Variants in KIF16B observed in about 807,000 individuals in gnomAD.
KIF16B encodes the protein kinesin-like protein KIF16B.
KIF16B carries 98 observed loss-of-function variants against 156.3 expected under a neutral mutation model. That is an observed-to-expected ratio of 0.63 (90% CI 0.53 to 0.74). The LOEUF is 0.74. Among genes scored for constraint, KIF16B ranks in the 30% least tolerant of loss-of-function variants. KIF16B has a pLI of 0.00. For synonymous variants in KIF16B, 564 were observed against 583.7 expected, an observed-to-expected ratio of 0.97 and a Z score of 0.49; for missense variants, 1,421 against 1,606.5, an observed-to-expected ratio of 0.88 and a Z score of 1.97.
chr20:16,312,727 T>G (rs1279270581), intron 24 of KIF16B, among the ~76,000 whole-genome samples: 3 of 151,990 alleles, frequency 2.0e-5, no homozygotes, highest in African/African-American at 7.3e-5. Flanking sequence ...TATTTTATAC[T>G]TTTTGTTTTT....
rs189008386 is a variant in KIF16B, at chr20:16,513,032, C to T, written c.349-109G>A. 1.9e-4 allele frequency: 142 copies of T among 739,200 alleles called. No homozygotes were observed. In the African/African-American group the frequency reaches 2.3e-3, roughly 12 times the overall value. 45.8% of individuals were successfully genotyped at this position (739,200 alleles called of 1,614,324 possible). A position where few individuals can be genotyped will look rare whatever the true frequency, so the allele number is the denominator to read the frequency against. On this transcript the variant is annotated intron_variant, in intron 4 of 25. Transcript: ENST00000354981. ...TAGACTCAAGTGACCTGTATGCCAA[C>T]CCCTGGCCTACCACAGCCCACGCCA...
At chr20:16,355,160 T>C (rs1394776462) in intron 23 of KIF16B, among the ~76,000 whole-genome samples, 2 of 152,104 alleles carry the variant, frequency 1.3e-5, no homozygotes, top group African/African-American at 4.8e-5. Flanking sequence ...AAAAGAGGGA[T>C]TCCTCAGAGC....
intron 1 of KIF16B, among the ~76,000 whole-genome samples, chr20:16,534,551 T>A (rs2069883015): frequency 6.6e-6 from 1 of 152,220 alleles, no homozygotes; most frequent in Non-Finnish European, 1.5e-5. Flanking sequence ...TTTTGTTGTC[T>A]GTGCTTCTGA....
chr20:16,542,146 T>C (rs961472607), intron 1 of KIF16B, among the ~76,000 whole-genome samples: 3 of 152,208 alleles, frequency 2.0e-5, no homozygotes, highest in Non-Finnish European at 2.9e-5. Context: ...AGAAGGCAGA[T>C]ACTTTATTTT....
Position 16,276,230 on chromosome 20 carries a change from TC to T in KIF16B, c.3796-2820del, listed in dbSNP as rs553154705. Reference sequence around the variant, plus strand: ...GTCATAATTAGTACACAAAGTAGGGTCCCTATAAAGGGCCAATAAAGCCTAA... The same window carrying T: ...GTCATAATTAGTACACAAAGTAGGGTCCTATAAAGGGCCAATAAAGCCTAA... On this transcript the variant is annotated intron_variant, in intron 25 of 25. Transcript: ENST00000354981. Among the ~76,000 whole-genome samples, 293 of 152,140 alleles carry T rather than the reference TC, an allele frequency of 1.9e-3. 4 individuals are homozygous for T. The highest frequency in any genetic ancestry group is 0.017 in the Admixed American group (266 of 15,278).
intron 12 of KIF16B, among the ~76,000 whole-genome samples, chr20:16,489,589 T>C (rs2068223719): frequency 6.6e-6 from 1 of 151,414 alleles, no homozygotes; most frequent in Non-Finnish European, 1.5e-5. Flanking sequence ...CCCAGCTACC[T>C]GGGAGGCTGA....
chr20:16,487,735 T>C (rs921513257), intron 12 of KIF16B, among the ~76,000 whole-genome samples: 1 of 152,216 alleles, frequency 6.6e-6, no homozygotes, highest in Non-Finnish European at 1.5e-5. Flanking sequence ...TTCATCATTG[T>C]GCTATCCACC....
rs376504826 is a variant in KIF16B at position 16,399,518 on chromosome 20, C to T, written c.1784+5295G>A. Among the ~76,000 whole-genome samples, 19 of 152,218 alleles carry T rather than the reference C, an allele frequency of 1.2e-4. No homozygotes were observed. In the East Asian group the frequency reaches 2.1e-3, roughly 17 times the overall value. ...GCACCACTGAATGAATGATGTAAAACGGCAGGGCTGTGAACATCTATTTTA... is the reference window on the plus strand; with the variant it reads ...GCACCACTGAATGAATGATGTAAAATGGCAGGGCTGTGAACATCTATTTTA... On this transcript the variant is annotated intron_variant, in intron 17 of 25. Coordinates refer to ENST00000354981, the MANE Select transcript of KIF16B (RefSeq NM_024704.5).
At chr20:16,567,525 G>A (rs965425057) in intron 1 of KIF16B, among the ~76,000 whole-genome samples, 2 of 152,158 alleles carry the variant, frequency 1.3e-5, no homozygotes, top group African/African-American at 2.4e-5. Context: ...CAGAGGCAAC[G>A]TCACTACATA....
intron 10 of KIF16B, among the ~76,000 whole-genome samples, chr20:16,503,071 C>A (rs930340625): frequency 6.6e-6 from 1 of 152,090 alleles, no homozygotes; most frequent in Non-Finnish European, 1.5e-5. Context: ...AAAAAATTAG[C>A]CAGGCATGGT....
intron 12 of KIF16B, among the ~76,000 whole-genome samples, chr20:16,472,553 TAA>T (rs11318601): frequency 0.46 from 52,083 of 113,936 alleles, 11,329 homozygotes; most frequent in African/African-American, 0.57. Context: ...CATCTGAAAT[TAA>T]AAAAAAAAAA....
At chr20:16,288,301 T>C (rs2063256174) in intron 25 of KIF16B, among the ~76,000 whole-genome samples, 1 of 152,226 alleles carries the variant, frequency 6.6e-6, no homozygotes, top group Non-Finnish European at 1.5e-5. Flanking sequence ...ATTTTCTTTT[T>C]AGGATTAGAA....
chr20:16,494,751 T>A (rs551100057), intron 11 of KIF16B, among the ~76,000 whole-genome samples: 56 of 152,348 alleles, frequency 3.7e-4, no homozygotes, highest in African/African-American at 1.3e-3. Flanking sequence ...TTAGATGTGA[T>A]TAAATCACCT....
At chr20:16,471,976 C>A (rs2067674767) in intron 12 of KIF16B, among the ~76,000 whole-genome samples, 2 of 152,204 alleles carry the variant, frequency 1.3e-5, no homozygotes, top group East Asian at 1.9e-4. Context: ...GTCCAAAATT[C>A]AAGAACTCCA....
At chr20:16,514,909 A>AAAAAAAAAAAAAAAAG (rs1568628705) in intron 4 of KIF16B, among the ~76,000 whole-genome samples, 1 of 143,748 alleles carries the variant, frequency 7.0e-6, no homozygotes, top group Non-Finnish European at 1.5e-5. Flanking sequence ...AAAAAAAAAA[A>AAAAAAAAAAAAAAAAG]AAAAAGAAAA....
chr20:16,525,438 A>C (rs1043983890), intron 3 of KIF16B, among the ~76,000 whole-genome samples: 1 of 152,066 alleles, frequency 6.6e-6, no homozygotes, highest in African/African-American at 2.4e-5. Flanking sequence ...CCCCACCCCG[A>C]GAAATATACT....
intron 8 of KIF16B, 76 bp downstream of exon 8, chr20:16,505,946 C>T (rs1035459399): frequency 6.2e-7 from 1 of 1,604,322 alleles, no homozygotes; most frequent in Non-Finnish European, 8.5e-7. Context: ...GAAATTACCT[C>T]AGTTTGCAAC....
At chr20:16,290,904 A>G (rs957523567) in intron 25 of KIF16B, among the ~76,000 whole-genome samples, 1 of 152,216 alleles carries the variant, frequency 6.6e-6, no homozygotes, top group African/African-American at 2.4e-5. Context: ...GTAGGTGTCT[A>G]TTTCATACAG....
chr20:16,456,182 C>T (rs1444958136), intron 12 of KIF16B, among the ~76,000 whole-genome samples: 1 of 150,458 alleles, frequency 6.6e-6, no homozygotes, highest in East Asian at 1.9e-4. Context: ...GATGATCTGG[C>T]CTAATCTGGG....
Sources: allele counts gnomAD v4.1 joint callset (sites outside exome capture counted in the v4.1 genomes callset), GRCh38; gene constraint gnomAD v4.1.1; transcripts MANE v1.5; gene names NCBI Gene and HGNC (gene_info 2026-07-23, HGNC 2026-07-21).